Variants in DLGAP1 observed in about 807,000 individuals in gnomAD.
DLGAP1 encodes the protein DLG associated protein 1.
In DLGAP1, 11 loss-of-function variants were observed where a neutral mutation model predicts 90.8. The observed-to-expected ratio is 0.12, with a 90% CI of 0.08 to 0.20. The LOEUF is 0.20. Among genes scored for constraint, DLGAP1 ranks in the 10% least tolerant of loss-of-function variants. The pLI, the probability that DLGAP1 is intolerant of heterozygous loss-of-function variation, is 1.00. For synonymous variants in DLGAP1, 558 were observed against 540.7 expected, an observed-to-expected ratio of 1.03 and a Z score of -0.44; for missense variants, 1,050 against 1,333.8, an observed-to-expected ratio of 0.79 and a Z score of 3.31.
chr18:3,580,629 C>G (rs947138050), intron 8 of DLGAP1: 95 of 1,595,862 alleles, frequency 6.0e-5, no homozygotes, highest in Non-Finnish European at 6.6e-5. Context: ...GCCGGTGAGC[C>G]TTTGTCGGCT....
chr18:3,986,996 A>G (rs923080793), intron 3 of DLGAP1, among the ~76,000 whole-genome samples: 3 of 152,164 alleles, frequency 2.0e-5, no homozygotes, highest in Non-Finnish European at 4.4e-5. Flanking sequence ...AGCCATTTTG[A>G]TTGGACACTG....
intron 1 of DLGAP1, among the ~76,000 whole-genome samples, chr18:4,394,408 G>T (rs550393747): frequency 2.0e-5 from 3 of 152,252 alleles, no homozygotes; most frequent in African/African-American, 4.8e-5. Context: ...CTATTTCACT[G>T]CCATTTTGAA....
At chr18:4,264,703 C>T (rs534373702) in intron 1 of DLGAP1, 2 of 152,324 alleles carry the variant, frequency 1.3e-5, no homozygotes, top group African/African-American at 4.8e-5. Flanking sequence ...GGCTAATCAG[C>T]TAAATCTAGA....
intron 7 of DLGAP1, among the ~76,000 whole-genome samples, chr18:3,641,999 C>T (rs970432015): frequency 4.5e-4 from 69 of 152,338 alleles, no homozygotes; most frequent in Middle Eastern, 6.8e-3. Context: ...AGGGATCTGT[C>T]TCCACTAACA....
Position 4,084,839 on chromosome 18 carries a change from A to T in DLGAP1, c.-159+66341T>A, listed in dbSNP as rs769214388. 4.6e-5 allele frequency among the ~76,000 whole-genome samples: 7 copies of T among 152,176 alleles called. No individual in the cohort carries two copies. Among genetic ancestry groups the T allele is most frequent in the Non-Finnish European group, 1.0e-4 (7 of 68,028 alleles). ...CTTTGTCAGTTTGATTTTTAGACCC[A>T]GCCAAGGGACCCTAGGAAGAGTGAA... On this transcript the variant is annotated intron_variant, in intron 2 of 12. Coordinates refer to ENST00000315677, the MANE Select transcript of DLGAP1 (RefSeq NM_004746.4). The surrounding 1 kb of genome is among the most constrained non-coding windows in gnomAD (Gnocchi z 4.0).
chr18:4,177,454 G>A (rs12457370), intron 1 of DLGAP1, among the ~76,000 whole-genome samples: 57,518 of 151,504 alleles, frequency 0.38, 11,221 homozygotes, highest in East Asian at 0.69. Context: ...TAGAGACTCT[G>A]GTTCTTTTTT....
In DLGAP1 at chr18:3,672,575, C is replaced by T. The variant is rs1360506208; in HGVS notation, c.1591+56560G>A. Among the ~76,000 whole-genome samples, 3 of 49,882 alleles carry T rather than the reference C, an allele frequency of 6.0e-5. 1 individual carries two copies. The South Asian group carries it at 2.9e-3, about 49-fold the overall frequency. 32.7% of individuals were successfully genotyped at this position (49,882 alleles called of 152,430 possible). A position where few individuals can be genotyped will look rare whatever the true frequency, so the allele number is the denominator to read the frequency against. On this transcript the variant is annotated intron_variant, in intron 7 of 12. Coordinates refer to ENST00000315677, the MANE Select transcript of DLGAP1 (RefSeq NM_004746.4). Reference sequence around the variant, plus strand: ...CTGGGCAACAAGAGCAAAACTCTATCTCAAAAAAAAAAAAAAAAAAAAAAA... The same window carrying T: ...CTGGGCAACAAGAGCAAAACTCTATTTCAAAAAAAAAAAAAAAAAAAAAAA...
At chr18:3,675,029 A>C (rs991595105) in intron 7 of DLGAP1, among the ~76,000 whole-genome samples, 1 of 151,976 alleles carries the variant, frequency 6.6e-6, no homozygotes, top group Non-Finnish European at 1.5e-5. Context: ...CATCACCCCC[A>C]TTCATTAGCA....
chr18:4,428,411 G>A (rs556771585), intron 1 of DLGAP1, among the ~76,000 whole-genome samples: 20 of 152,132 alleles, frequency 1.3e-4, no homozygotes, highest in East Asian at 3.9e-4. Context: ...GCAAAACCCC[G>A]TCTCTACTAA....
At chr18:3,908,736 A>G (rs2071968229) in intron 3 of DLGAP1, among the ~76,000 whole-genome samples, 1 of 152,224 alleles carries the variant, frequency 6.6e-6, no homozygotes, top group African/African-American at 2.4e-5. Context: ...AGCAGGTAAC[A>G]TCCAATTTTG....
intron 7 of DLGAP1, among the ~76,000 whole-genome samples, chr18:3,642,518 G>A (rs556627224): frequency 2.0e-5 from 3 of 152,158 alleles, no homozygotes; most frequent in Non-Finnish European, 4.4e-5. Context: ...GGGTATTACT[G>A]TGGATGACTT....
chr18:3,690,094 G>GTTTTTTT (rs77999372), intron 7 of DLGAP1, among the ~76,000 whole-genome samples: 2 of 116,880 alleles, frequency 1.7e-5, no homozygotes, highest in Non-Finnish European at 3.4e-5. Context: ...GCTGGGTGAG[G>GTTTTTTT]TTTTTTTTTT....
chr18:4,203,948 C>G (rs1294223315), intron 1 of DLGAP1, among the ~76,000 whole-genome samples: 2 of 152,202 alleles, frequency 1.3e-5, no homozygotes, highest in Non-Finnish European at 1.5e-5. Flanking sequence ...AGCTGTTTTT[C>G]AAAATGCTTT....
At chr18:3,850,715 C>G (rs1237051739) in intron 4 of DLGAP1, among the ~76,000 whole-genome samples, 1 of 152,116 alleles carries the variant, frequency 6.6e-6, no homozygotes, top group Non-Finnish European at 1.5e-5. Flanking sequence ...CAGCATCATC[C>G]TAGAACAGGC....
intron 7 of DLGAP1, among the ~76,000 whole-genome samples, chr18:3,639,054 G>A (rs1038800910): frequency 2.6e-5 from 4 of 152,148 alleles, no homozygotes; most frequent in East Asian, 3.9e-4. Flanking sequence ...TACCCTCGTC[G>A]GTTTTGAAAG....
rs77715735 is a variant in DLGAP1 at position 3,521,737 on chromosome 18, G to C, written c.2479+12457C>G. Among the ~76,000 whole-genome samples, 1,021 of 152,254 alleles carry C rather than the reference G, an allele frequency of 6.7e-3. 10 individuals are homozygous for C. The highest frequency in any genetic ancestry group is 0.024 in the African/African-American group (990 of 41,522). ...TATGTCAGATTTCCGACCAGAATGT[G>C]AGCTCTTTGATGGCCTAGACTGTGC... On this transcript the variant is annotated intron_variant, in intron 10 of 12. Transcript: ENST00000315677.
At chr18:3,600,749 T>TATATATCTATATAGATATATAG in intron 7 of DLGAP1, among the ~76,000 whole-genome samples, 1 of 12,932 alleles carries the variant, frequency 7.7e-5, no homozygotes, top group Admixed American at 5.8e-4. Context: ...GATATATAGA[T>TATATATCTATATAGATATATAG]ATATATAGAT....
chr18:4,369,256 T>C (rs539852175), intron 1 of DLGAP1, among the ~76,000 whole-genome samples: 1 of 152,172 alleles, frequency 6.6e-6, no homozygotes, highest in South Asian at 2.1e-4. Context: ...TATTTGACTA[T>C]ATATGCATAT....
chr18:3,895,319 A>ACACACACACACAT (rs1555703517), intron 3 of DLGAP1, among the ~76,000 whole-genome samples: 2 of 148,360 alleles, frequency 1.3e-5, no homozygotes, highest in African/African-American at 2.5e-5. Context: ...ACACACACAC[A>ACACACACACACAT]CATCATCATC....
Sources: gnomAD v4.1 joint callset for allele counts (sites outside exome capture counted in the v4.1 genomes callset) on GRCh38, gnomAD v4.1.1 for gene constraint, Gnocchi (gnomAD v3.1) non-coding constraint, MANE v1.5 for transcripts, NCBI Gene and HGNC (gene_info 2026-07-23, HGNC 2026-07-21) for gene names.